The following CCSER1 variants were observed in gnomAD, a reference collection of about 807,000 sequenced individuals.
CCSER1 encodes serine-rich coiled-coil domain-containing protein 1.
A neutral mutation model predicts 82.0 loss-of-function variants in CCSER1; 41 were observed. The ratio of observed to expected loss-of-function variants is 0.50; its 90% confidence interval spans 0.39 to 0.65. CCSER1 has a LOEUF of 0.65. CCSER1 is among the 30% of genes least tolerant of loss of function. CCSER1 has a pLI of 0.00. For missense variants in CCSER1, 1,119 were observed against 1,064.2 expected (o/e 1.05, Z -0.72); for synonymous variants, 414 against 383.9 (o/e 1.08, Z -0.92).
At chr4:90,389,300 A>G (rs1304777467) in intron 3 of CCSER1, among the ~76,000 whole-genome samples, 8 of 152,252 alleles carry the variant, frequency 5.3e-5, no homozygotes, top group Admixed American at 5.2e-4. Context: ...AAAAAAAGCA[A>G]GCATTACTCG....
intron 5 of CCSER1, among the ~76,000 whole-genome samples, chr4:90,535,824 C>T (rs912895692): frequency 6.6e-6 from 1 of 151,978 alleles, no homozygotes; most frequent in East Asian, 1.9e-4. Flanking sequence ...TGATACTTTG[C>T]ATAACTTATA....
intron 6 of CCSER1, among the ~76,000 whole-genome samples, chr4:90,661,527 A>G (rs1291578441): frequency 3.9e-5 from 6 of 152,196 alleles, no homozygotes; most frequent in Non-Finnish European, 5.9e-5. Context: ...TTCAGCCTGA[A>G]GAATAGAAGG....
At chr4:90,669,203 C>T (rs1732347534) in intron 6 of CCSER1, among the ~76,000 whole-genome samples, 1 of 152,062 alleles carries the variant, frequency 6.6e-6, no homozygotes, top group Admixed American at 6.6e-5. Flanking sequence ...AATGAGTGGT[C>T]ATCTCCTTCT....
rs553203785 is a variant in CCSER1, at chr4:90,590,912, G to T, written c.1725-37113G>T. Among the ~76,000 whole-genome samples, 6 of 152,162 alleles carry T rather than the reference G, an allele frequency of 3.9e-5. No homozygotes were observed. In the South Asian group the frequency reaches 8.3e-4, roughly 21 times the overall value. ...GCAGTATGGCCATTTTCATGATATT[G>T]GTTCTTCCTATCCATCAGCGTGGAA... On this transcript the variant is annotated intron_variant, in intron 5 of 10. Coordinates refer to ENST00000509176, the MANE Select transcript of CCSER1 (RefSeq NM_001145065.2).
chr4:90,943,084 T>G (rs1351554368), intron 9 of CCSER1, among the ~76,000 whole-genome samples: 2 of 151,760 alleles, frequency 1.3e-5, no homozygotes, highest in African/African-American at 4.8e-5. Flanking sequence ...GGAGAGTGAA[T>G]GAACCTCATG....
intron 10 of CCSER1, among the ~76,000 whole-genome samples, chr4:91,230,362 A>G (rs1738526178): frequency 6.6e-6 from 1 of 152,124 alleles, no homozygotes; most frequent in African/African-American, 2.4e-5. Flanking sequence ...CTTCCTTTAC[A>G]ATCAAAATAA....
chr4:91,210,438 A>G (rs990032664), intron 10 of CCSER1, among the ~76,000 whole-genome samples: 1 of 151,572 alleles, frequency 6.6e-6, no homozygotes, highest in African/African-American at 2.4e-5. Context: ...TAATAAAAAA[A>G]GAGTTACAGT....
At chr4:91,501,360 T>C (rs185162305) in intron 10 of CCSER1, among the ~76,000 whole-genome samples, 7 of 152,020 alleles carry the variant, frequency 4.6e-5, no homozygotes, top group Non-Finnish European at 1.0e-4. Flanking sequence ...GTAATTGTAA[T>C]TGGTTTAACC....
chr4:91,162,901 T>C lies in CCSER1; in HGVS notation c.2217+76907T>C, dbSNP rs577344512. Among the ~76,000 whole-genome samples the C allele has an allele frequency of 5.3e-5, 8 of 152,302 alleles. No homozygotes were observed. The South Asian group carries it at 1.7e-3, about 32-fold the overall frequency. On this transcript the variant is annotated intron_variant, in intron 10 of 10. Coordinates refer to ENST00000509176, the MANE Select transcript of CCSER1 (RefSeq NM_001145065.2). ...AACCAGCTCCTGGATTCATTGATTTTTTTGAAGGGTTTTTTGTGTCTCTAT... is the reference window on the plus strand; with the variant it reads ...AACCAGCTCCTGGATTCATTGATTTCTTTGAAGGGTTTTTTGTGTCTCTAT...
intron 10 of CCSER1, among the ~76,000 whole-genome samples, chr4:91,465,583 C>T (rs1453185656): frequency 6.6e-6 from 1 of 151,738 alleles, no homozygotes; most frequent in Non-Finnish European, 1.5e-5. Context: ...TTGAAAAGAT[C>T]AACAAAATTG....
intron 9 of CCSER1, among the ~76,000 whole-genome samples, chr4:90,951,991 T>C (rs1732966285): frequency 6.6e-6 from 1 of 151,948 alleles, no homozygotes; most frequent in Non-Finnish European, 1.5e-5. Context: ...CTATCATGAA[T>C]AGGGATAAAA....
intron 10 of CCSER1, among the ~76,000 whole-genome samples, chr4:91,438,163 T>A (rs1475950541): frequency 6.6e-6 from 1 of 152,314 alleles, no homozygotes; most frequent in East Asian, 1.9e-4. Flanking sequence ...GATCTGAGAA[T>A]GGGCAGACTA....
At chr4:91,029,292 A>T (rs1740765134) in intron 9 of CCSER1, among the ~76,000 whole-genome samples, 1 of 151,980 alleles carries the variant, frequency 6.6e-6, no homozygotes. Flanking sequence ...TTACATAAAA[A>T]TACATGAACG....
chr4:91,453,186 G>A (rs1234710639), intron 10 of CCSER1, among the ~76,000 whole-genome samples: 2 of 151,966 alleles, frequency 1.3e-5, no homozygotes, highest in African/African-American at 4.8e-5. Flanking sequence ...TGTAAATTTT[G>A]TAAATAACTA....
intron 6 of CCSER1, among the ~76,000 whole-genome samples, chr4:90,647,825 T>C (rs578092747): frequency 9.2e-5 from 14 of 152,082 alleles, no homozygotes; most frequent in Admixed American, 7.9e-4. Context: ...AATTTCAAGA[T>C]AGTAAGAAAT....
chr4:91,265,908 C>T (rs1412624618), intron 10 of CCSER1, among the ~76,000 whole-genome samples: 4 of 152,094 alleles, frequency 2.6e-5, no homozygotes, highest in African/African-American at 4.8e-5. Flanking sequence ...CACAGTTTCA[C>T]GTGGCTGGGG....
At chr4:90,776,505 C>T (rs1378225789) in intron 7 of CCSER1, among the ~76,000 whole-genome samples, 1 of 152,082 alleles carries the variant, frequency 6.6e-6, no homozygotes, top group Non-Finnish European at 1.5e-5. Context: ...ATTAATGTCA[C>T]CTATTAAGGT....
chr4:90,955,013 A>G (rs191134715), intron 9 of CCSER1, among the ~76,000 whole-genome samples: 1 of 152,290 alleles, frequency 6.6e-6, no homozygotes, highest in East Asian at 1.9e-4. Flanking sequence ...TCATGGCCAA[A>G]ATAAGATTGT....
chr4:91,580,995 G>A (rs574677155), intron 10 of CCSER1, among the ~76,000 whole-genome samples: 5 of 151,386 alleles, frequency 3.3e-5, no homozygotes, highest in Admixed American at 6.6e-5. Context: ...TATCTGTCTC[G>A]GAGCACAAGT....
Sources: gnomAD v4.1 joint callset for allele counts (sites outside exome capture counted in the v4.1 genomes callset) on GRCh38, gnomAD v4.1.1 for gene constraint, MANE v1.5 for transcripts, NCBI Gene and HGNC (gene_info 2026-07-23, HGNC 2026-07-21) for gene names.